CLCA1: variants seen among roughly 807,000 people sequenced by gnomAD.
CLCA1 encodes calcium-activated chloride channel regulator 1.
Under a neutral mutation model 85.6 loss-of-function variants are expected in CLCA1, and 59 were observed. That is an observed-to-expected ratio of 0.69 (90% CI 0.56 to 0.86). The LOEUF is 0.86. Among genes scored for constraint, CLCA1 ranks in the 40% least tolerant of loss-of-function variants. The probability of loss-of-function intolerance (pLI) is 0.00; values close to 1 mark genes in which losing one functional copy is unlikely to be tolerated. For missense variants in CLCA1, 1,022 were observed against 1,101.4 expected (o/e 0.93, Z 1.02); for synonymous variants, 396 against 398.3 (o/e 0.99, Z 0.07).
Position 86,499,766 on chromosome 1 carries a change from G to A in CLCA1, c.2466G>A (p.Glu822=). ...TALIPKEANS[E]EVFLFKPENI... Reference sequence around the variant, plus strand: ...TCATCCCAAAGGAAGCCAACTCTGAGGAAGTCTTTTTGTTTAAACCAGAAA... The same window carrying A: ...TCATCCCAAAGGAAGCCAACTCTGAAGAAGTCTTTTTGTTTAAACCAGAAA... Residue 822 remains glutamate (E), a synonymous_variant, in exon 14 of 14, where the codon GAG becomes GAA. Transcript: ENST00000394711. 1.1e-5 allele frequency: 17 copies of A among 1,613,890 alleles called. No homozygotes were observed. The highest frequency in any genetic ancestry group is 5.1e-6 in the Non-Finnish European group (6 of 1,179,768).
intron 7 of CLCA1, 38 bp downstream of exon 7, chr1:86,486,791 C>T: frequency 6.4e-7 from 1 of 1,572,128 alleles, no homozygotes; most frequent in South Asian, 1.1e-5. Flanking sequence ...GGAATGTTTG[C>T]AATTTATGTT....
chr1:86,477,917 A>G (rs1647714767), intron 4 of CLCA1, among the ~76,000 whole-genome samples: 1 of 152,208 alleles, frequency 6.6e-6, no homozygotes, highest in African/African-American at 2.4e-5. Flanking sequence ...TGCTTGCCTG[A>G]TGGCCCTTTA....
Position 86,486,541 on chromosome 1 carries a change from A to C in CLCA1, c.970A>C (p.Asn324His). 6.2e-7 allele frequency: 1 copy of C among 1,614,110 alleles called. No homozygotes were observed. Among genetic ancestry groups the C allele is most frequent in the Non-Finnish European group, 8.5e-7 (1 of 1,180,006 alleles). The change falls in exon 7 of 14, where the codon AAT (asparagine) becomes CAT (histidine). Residue 324 changes from asparagine to histidine, a missense_variant. Transcript: ENST00000394711. ...CTCCATTTAGACTGGTAACCGCCTC[A>C]ATCGACTGAATCAAGCAGGCCAGCT... ...SGSMATGNRLNRLNQAGQLFL... is the reference protein window; with the variant it reads ...SGSMATGNRLHRLNQAGQLFL...
At chr1:86,495,034 A>C (rs1161831601) in intron 11 of CLCA1, among the ~76,000 whole-genome samples, 1 of 129,114 alleles carries the variant, frequency 7.7e-6, no homozygotes, top group Non-Finnish European at 1.6e-5. Context: ...AGAATTCTAC[A>C]GTTTAAAAAA....
intron 5 of CLCA1, among the ~76,000 whole-genome samples, chr1:86,483,008 A>G (rs1286824930): frequency 1.3e-5 from 2 of 152,204 alleles, no homozygotes; most frequent in East Asian, 3.8e-4. Flanking sequence ...AACTGACTTC[A>G]GTGGGAAGTC....
At chr1:86,494,080 T>G (rs573901558) in intron 10 of CLCA1, 107 bp from the exon 11 acceptor site, 21 of 1,259,322 alleles carry the variant, frequency 1.7e-5, no homozygotes, top group Non-Finnish European at 1.8e-5. Flanking sequence ...TTCTTAGATA[T>G]GCTTCCAACA....
chr1:86,481,722 T>C (rs1647827157), intron 4 of CLCA1, among the ~76,000 whole-genome samples: 1 of 152,142 alleles, frequency 6.6e-6, no homozygotes, highest in East Asian at 1.9e-4. Context: ...ATTCCAACTA[T>C]AATAGCAACA....
chr1:86,486,924 G>A (rs1330520602), intron 7 of CLCA1, among the ~76,000 whole-genome samples, 171 bp downstream of exon 7: 6 of 152,294 alleles, frequency 3.9e-5, no homozygotes, highest in East Asian at 1.9e-4. Context: ...CAGAATAGGA[G>A]GTTGAAAGGG....
chr1:86,490,184 G>A (rs1199618338), intron 8 of CLCA1, among the ~76,000 whole-genome samples: 2 of 152,174 alleles, frequency 1.3e-5, no homozygotes, highest in Non-Finnish European at 2.9e-5. Flanking sequence ...AGAGGGGCAT[G>A]TTATTTCTCT....
intron 4 of CLCA1, among the ~76,000 whole-genome samples, chr1:86,479,640 C>T (rs1282593234): frequency 4.6e-5 from 7 of 152,144 alleles, no homozygotes; most frequent in African/African-American, 1.7e-4. Flanking sequence ...AATCCCAGCA[C>T]TTTAGGAGGC....
intron 4 of CLCA1, among the ~76,000 whole-genome samples, chr1:86,481,405 C>T (rs893609179): frequency 1.3e-5 from 2 of 152,016 alleles, no homozygotes; most frequent in Non-Finnish European, 2.9e-5. Context: ...TCCCAAAGTG[C>T]TGGGATTACA....
At chr1:86,477,411 A>G (rs1178779622) in intron 4 of CLCA1, among the ~76,000 whole-genome samples, 1 of 152,234 alleles carries the variant, frequency 6.6e-6, no homozygotes, top group Non-Finnish European at 1.5e-5. Context: ...GTCAGTAGAA[A>G]TCAAGTACAA....
intron 7 of CLCA1, among the ~76,000 whole-genome samples, chr1:86,488,769 C>T (rs553444082): frequency 1.1e-4 from 16 of 152,294 alleles, no homozygotes; most frequent in Non-Finnish European, 2.1e-4. Flanking sequence ...CATCCCACAC[C>T]GTCCCTCTCT....
In CLCA1 at chr1:86,476,533, T is replaced by C. The variant is rs757057706; in HGVS notation, c.537T>C (p.Asn179=). Reference sequence around the variant, plus strand: ...ATGATGAGAAATTCTACTTATCCAATGGAAGAATACAAGCAGTAAGGTATG... The same window carrying C: ...ATGATGAGAAATTCTACTTATCCAACGGAAGAATACAAGCAGTAAGGTATG... The part of the protein sequence containing the change: ...YNNDEKFYLS[N]GRIQAVRCSA... The change falls in exon 4 of 14, where the codon AAT becomes AAC. Residue 179 remains asparagine, a synonymous_variant. Transcript: ENST00000394711. 1.9e-6 allele frequency: 3 copies of C among 1,561,740 alleles called. No homozygotes were observed. In the South Asian group the frequency reaches 3.3e-5, roughly 17 times the overall value.
chr1:86,485,646 A>G, intron 6 of CLCA1, 85 bp downstream of exon 6: 7 of 1,218,650 alleles, frequency 5.7e-6, no homozygotes, highest in Non-Finnish European at 8.5e-6. Context: ...TTGCGAATAA[A>G]CATAACCCGA....
At chr1:86,474,834 A>C (rs1647601596) in intron 3 of CLCA1, among the ~76,000 whole-genome samples, 1 of 152,368 alleles carries the variant, frequency 6.6e-6, no homozygotes, top group Non-Finnish European at 1.5e-5. Context: ...TGTACTTTCC[A>C]AGAATCAAAT....
rs576241305 is a variant in CLCA1 at position 86,485,947 on chromosome 1, C to T, written c.954+386C>T. On this transcript the variant is annotated intron_variant, in intron 6 of 13. Coordinates refer to ENST00000394711, the MANE Select transcript of CLCA1 (RefSeq NM_001285.4). ...GGTTTAATCAACTCACAGTTCCACA[C>T]GGCTGGGGAGGCCTCAGGAAATTTA... Among the ~76,000 whole-genome samples, 7 of 151,918 alleles carry T rather than the reference C, an allele frequency of 4.6e-5. No homozygotes were observed. In the East Asian group the frequency reaches 5.8e-4, roughly 13 times the overall value.
At chr1:86,484,580 G>A (rs912021783) in intron 5 of CLCA1, among the ~76,000 whole-genome samples, 12 of 152,188 alleles carry the variant, frequency 7.9e-5, no homozygotes, top group African/African-American at 2.9e-4. Flanking sequence ...AGGCAGCTGT[G>A]AGGTGGAACA....
chr1:86,476,703 A>G (rs1647646003), intron 4 of CLCA1, 150 bp downstream of exon 4: 1 of 523,362 alleles, frequency 1.9e-6, no homozygotes, highest in African/African-American at 1.9e-5. Flanking sequence ...CCACAAAACT[A>G]CCATTTTGTT....
Sources: gnomAD v4.1 joint callset for allele counts (sites outside exome capture counted in the v4.1 genomes callset) on GRCh38, gnomAD v4.1.1 for gene constraint, MANE v1.5 for transcripts, NCBI Gene and HGNC (gene_info 2026-07-23, HGNC 2026-07-21) for gene names.